Variants in SCN8A observed in about 807,000 individuals in gnomAD.
The protein encoded by SCN8A is sodium channel protein type 8 subunit alpha.
A neutral mutation model predicts 184.1 loss-of-function variants in SCN8A; 30 were observed. The ratio of observed to expected loss-of-function variants is 0.16; its 90% CI spans 0.12 to 0.22. The LOEUF is 0.22. Ranked by LOEUF, SCN8A falls within the 10% of genes least tolerant of loss-of-function variation. The pLI is 1.00. For missense variants in SCN8A, 1,057 were observed against 2,498.9 expected, an observed-to-expected ratio of 0.42 and a Z score of 12.30; for synonymous variants, 852 against 907.0, an observed-to-expected ratio of 0.94 and a Z score of 1.09.
chr12:51,773,675 G>A (rs771212277), intron 19 of SCN8A, among the ~76,000 whole-genome samples: 4 of 152,186 alleles, frequency 2.6e-5, no homozygotes, highest in Non-Finnish European at 5.9e-5. Flanking sequence ...GAGAATGAAA[G>A]CATGTCTACC....
intron 1 of SCN8A, among the ~76,000 whole-genome samples, chr12:51,596,927 T>A (rs1358884064): frequency 6.6e-6 from 1 of 152,188 alleles, no homozygotes; most frequent in Non-Finnish European, 1.5e-5. Flanking sequence ...CTTCTTTGCT[T>A]ATGCAAGGCT....
At chr12:51,793,673 G>T (rs1234330260) in intron 25 of SCN8A, among the ~76,000 whole-genome samples, 2 of 152,102 alleles carry the variant, frequency 1.3e-5, no homozygotes, top group Non-Finnish European at 2.9e-5. Flanking sequence ...TGTCACAGAC[G>T]CAAAAGAGAA....
intron 1 of SCN8A, among the ~76,000 whole-genome samples, chr12:51,646,429 A>AATC (rs1940591853): frequency 6.6e-6 from 1 of 152,268 alleles, no homozygotes; most frequent in South Asian, 2.1e-4. Context: ...GTGTTTCAGT[A>AATC]TTGGATGACA....
intron 6 of SCN8A, among the ~76,000 whole-genome samples, chr12:51,695,387 A>G (rs761729366): frequency 1.3e-4 from 20 of 152,224 alleles, no homozygotes; most frequent in Non-Finnish European, 1.5e-4. Context: ...TAGCAATAAC[A>G]TCTGGTTTAT....
intron 12 of SCN8A, among the ~76,000 whole-genome samples, chr12:51,741,617 T>G (rs949487938): frequency 6.6e-6 from 1 of 152,208 alleles, no homozygotes; most frequent in Non-Finnish European, 1.5e-5. Flanking sequence ...TGCTTTTTAT[T>G]TTTTGTGTAT....
chr12:51,607,450 C>A (rs182158209), intron 1 of SCN8A, among the ~76,000 whole-genome samples: 2 of 152,240 alleles, frequency 1.3e-5, no homozygotes, highest in Admixed American at 1.3e-4. Flanking sequence ...CTGGCTAGGA[C>A]TTCCAGTACT....
chr12:51,618,512 A>T (rs1248616698), intron 1 of SCN8A, among the ~76,000 whole-genome samples: 10 of 147,690 alleles, frequency 6.8e-5, no homozygotes, highest in Admixed American at 6.7e-4. Flanking sequence ...CACACACAGA[A>T]AGAAAAAAAG....
At chr12:51,640,070 ATTTT>A (rs1353132156) in intron 1 of SCN8A, among the ~76,000 whole-genome samples, 1 of 143,438 alleles carries the variant, frequency 7.0e-6, no homozygotes, top group Non-Finnish European at 1.5e-5. Context: ...CACTCTGCTA[ATTTT>A]TTTTAAGTTT....
chr12:51,720,941 C>T (rs1170645049), intron 11 of SCN8A, among the ~76,000 whole-genome samples: 1 of 151,374 alleles, frequency 6.6e-6, no homozygotes, highest in Non-Finnish European at 1.5e-5. Context: ...GTGGTGGATG[C>T]CTGTAATCCC....
chr12:51,645,962 A>ACT (rs55968129), intron 1 of SCN8A, among the ~76,000 whole-genome samples: 1 of 133,648 alleles, frequency 7.5e-6, no homozygotes, highest in African/African-American at 3.0e-5. Flanking sequence ...AAAAAAAAAA[A>ACT]AAATAATAAT....
rs146186997 is a variant in SCN8A at position 51,661,959 on chromosome 12, G to A, written c.-54-805G>A. 3.3e-5 allele frequency among the ~76,000 whole-genome samples: 5 copies of A among 152,226 alleles called. No individual in the cohort carries two copies. In the South Asian group the frequency reaches 6.2e-4, roughly 19 times the overall value. On this transcript the variant is annotated intron_variant, in intron 1 of 26. Transcript: ENST00000627620. ...AATTTTTGTTTGCAACTGTTCTCACGTCTCCGTCCTTCCTGGTTTGAGCCC... is the reference window on the plus strand; with the variant it reads ...AATTTTTGTTTGCAACTGTTCTCACATCTCCGTCCTTCCTGGTTTGAGCCC...
intron 1 of SCN8A, among the ~76,000 whole-genome samples, chr12:51,637,596 A>G (rs895616156): frequency 3.3e-5 from 5 of 152,220 alleles, no homozygotes; most frequent in African/African-American, 1.2e-4. Context: ...AATCCAGAGC[A>G]AGGCCCTAAT....
intron 11 of SCN8A, among the ~76,000 whole-genome samples, chr12:51,715,987 T>C (rs1464815420): frequency 6.6e-6 from 1 of 152,290 alleles, no homozygotes; most frequent in East Asian, 1.9e-4. Flanking sequence ...TTAAGGAGTT[T>C]GTAGTTGGTT....
At chr12:51,592,554 G>A (rs2138540304) in intron 1 of SCN8A, among the ~76,000 whole-genome samples, 1 of 152,148 alleles carries the variant, frequency 6.6e-6, no homozygotes, top group South Asian at 2.1e-4. Context: ...ATAAATGGAT[G>A]TCATCTGTTT....
chr12:51,609,259 A>G (rs190583515), intron 1 of SCN8A, among the ~76,000 whole-genome samples: 6 of 152,334 alleles, frequency 3.9e-5, no homozygotes. Flanking sequence ...CATTTATTCC[A>G]AGGTATTGTT....
intron 1 of SCN8A, among the ~76,000 whole-genome samples, chr12:51,593,753 A>G (rs1939284583): frequency 6.6e-6 from 1 of 152,048 alleles, no homozygotes; most frequent in Non-Finnish European, 1.5e-5. Context: ...CTGGGTTTGT[A>G]CTTGAGGTTG....
intron 11 of SCN8A, among the ~76,000 whole-genome samples, chr12:51,717,081 C>G (rs567779421): frequency 6.6e-6 from 1 of 152,302 alleles, no homozygotes; most frequent in East Asian, 1.9e-4. Flanking sequence ...TAAACTTTCC[C>G]CCTCACTCCT....
chr12:51,615,289 G>A (rs1221785964), intron 1 of SCN8A, among the ~76,000 whole-genome samples: 3 of 152,132 alleles, frequency 2.0e-5, no homozygotes, highest in Non-Finnish European at 4.4e-5. Flanking sequence ...GTGCAGTGGT[G>A]CACACCTATA....
chr12:51,721,647 C>T lies in SCN8A; in HGVS notation c.1737C>T (p.Ser579=), dbSNP rs770853019. The change falls in exon 12 of 27, where the codon TCC becomes TCT. Residue 579 remains serine, a synonymous_variant. Transcript: ENST00000627620. ...CTGGGCGGTTCCGAGACCCGGGCTC[C>T]GAGAATGAGTTCGCGGATGACGAGC... ...RGPGRFRDPG[S]ENEFADDEHS... The T allele has an allele frequency of 2.5e-6, 4 of 1,610,564 alleles. No homozygotes were observed. Among genetic ancestry groups the T allele is most frequent in the Admixed American group, 1.7e-5 (1 of 59,518 alleles).
Sources: allele counts gnomAD v4.1 joint callset (sites outside exome capture counted in the v4.1 genomes callset), GRCh38; gene constraint gnomAD v4.1.1; transcripts MANE v1.5; gene names NCBI Gene and HGNC (gene_info 2026-07-23, HGNC 2026-07-21).